SHQ1: variants seen among roughly 807,000 people sequenced by gnomAD.
SHQ1 encodes the protein SHQ1, H/ACA ribonucleoprotein assembly factor.
Under a neutral mutation model 53.8 loss-of-function variants are expected in SHQ1, and 49 were observed. That is an observed-to-expected ratio of 0.91 (90% confidence interval 0.72 to 1.16). The LOEUF (loss-of-function observed/expected upper bound fraction) is 1.16. Among genes scored for constraint, SHQ1 ranks in the 50% most tolerant of loss-of-function variants. The probability of loss-of-function intolerance (pLI) is 0.00; values close to 1 mark genes in which losing one functional copy is unlikely to be tolerated. For synonymous variants in SHQ1, 243 were observed against 251.0 expected (o/e 0.97, Z 0.30); for missense variants, 738 against 683.1 (o/e 1.08, Z -0.90).
Position 72,792,896 on chromosome 3 carries a change from G to A in SHQ1, c.1181+20C>T, listed in dbSNP as rs778144069. 2 of 1,559,658 alleles carry A rather than the reference G, an allele frequency of 1.3e-6. No individual in the cohort carries two copies. Among genetic ancestry groups the A allele is most frequent in the African/African-American group, 2.8e-5 (2 of 72,416 alleles). On this transcript the variant is annotated intron_variant, in intron 10 of 10. Coordinates refer to ENST00000325599, the MANE Select transcript of SHQ1 (RefSeq NM_018130.3). ...AATGTGAACATCTAAAAATTCGTAA[G>A]TAACTCTATGAAAACTTACTTGACT...
intron 10 of SHQ1, among the ~76,000 whole-genome samples, chr3:72,756,489 C>A (rs1045557907): frequency 1.3e-5 from 2 of 152,142 alleles, no homozygotes; most frequent in African/African-American, 4.8e-5. Flanking sequence ...GTTGGCCAGG[C>A]TGGTCTCAAA....
chr3:72,820,499 G>T (rs1707443999), intron 6 of SHQ1, among the ~76,000 whole-genome samples: 1 of 152,146 alleles, frequency 6.6e-6, no homozygotes, highest in African/African-American at 2.4e-5. Flanking sequence ...AATCACTAGA[G>T]AAACCAAAAG....
At chr3:72,748,330 A>C (rs13093925), downstream of SHQ1, among the ~76,000 whole-genome samples, 14 of 44,974 alleles carry the variant, frequency 3.1e-4, no homozygotes, top group Admixed American at 4.1e-4. Context: ...TGAGGCATGC[A>C]AAAAAAAAAA....
chr3:72,778,264 G>C (rs1006197408), intron 10 of SHQ1, among the ~76,000 whole-genome samples: 2 of 151,986 alleles, frequency 1.3e-5, no homozygotes, highest in African/African-American at 2.4e-5. Flanking sequence ...TGTTCAACCA[G>C]CCTGGGGTAA....
chr3:72,763,524 A>C (rs1349812064), intron 10 of SHQ1, among the ~76,000 whole-genome samples: 3 of 152,210 alleles, frequency 2.0e-5, no homozygotes, highest in African/African-American at 7.2e-5. Context: ...TTGATGTCCT[A>C]AGCCCTGGAA....
chr3:72,848,151 C>T lies in SHQ1; in HGVS notation c.143+47G>A, dbSNP rs778041294. The T allele has an allele frequency of 6.2e-6, 10 of 1,610,106 alleles. No homozygotes were observed. In the South Asian group the frequency reaches 9.9e-5, roughly 16 times the overall value. Reference sequence around the variant, plus strand: ...ACCTTGCATTCTCCCTCTAAAGCAGCTATCTAACGAATGCGCCTTTCCTGC... The same window carrying T: ...ACCTTGCATTCTCCCTCTAAAGCAGTTATCTAACGAATGCGCCTTTCCTGC... On this transcript the variant is annotated intron_variant, in intron 1 of 10. Coordinates refer to ENST00000325599, the MANE Select transcript of SHQ1 (RefSeq NM_018130.3).
At chr3:72,818,007 C>T (rs1217558637) in intron 6 of SHQ1, among the ~76,000 whole-genome samples, 1 of 151,742 alleles carries the variant, frequency 6.6e-6, no homozygotes, top group Non-Finnish European at 1.5e-5. Context: ...CACCTTCTCG[C>T]CTCCTGAATA....
At position 72,750,578 on chromosome 3, in the gene SHQ1, G is replaced by C; in HGVS notation, c.1440C>G (p.Leu480=). 6.2e-7 allele frequency: 1 copy of C among 1,614,210 alleles called. No homozygotes were observed. The highest frequency in any genetic ancestry group is 8.5e-7 in the Non-Finnish European group (1 of 1,180,022). Residue 480 remains leucine, a synonymous_variant, in exon 11 of 11, where the codon CTC becomes CTG. Coordinates refer to ENST00000325599, the MANE Select transcript of SHQ1 (RefSeq NM_018130.3). The stretch of plus-strand genomic sequence containing the variant: ...TGACTGTCTCAGATGGACTATCTTT[G>C]AGTTCATCTTGTTCTGAATCTGAGC... ...DSGSDSEQDE[L]KDSPSETVSS... is the part of the protein sequence containing the mutation.
At chr3:72,778,741 C>G (rs921749552) in intron 10 of SHQ1, among the ~76,000 whole-genome samples, 7 of 152,166 alleles carry the variant, frequency 4.6e-5, no homozygotes, top group Non-Finnish European at 8.8e-5. Context: ...ATAAAGAAAA[C>G]TGGCCATTAT....
At chr3:72,843,142 C>A (rs183967832) in intron 2 of SHQ1, among the ~76,000 whole-genome samples, 1 of 151,470 alleles carries the variant, frequency 6.6e-6, no homozygotes, top group African/African-American at 2.4e-5. Flanking sequence ...TACAGTATGA[C>A]CTTTACCTAC....
intron 8 of SHQ1, among the ~76,000 whole-genome samples, chr3:72,814,257 A>T (rs767244444): frequency 2.6e-5 from 4 of 152,248 alleles, no homozygotes; most frequent in Non-Finnish European, 4.4e-5. Context: ...TACTTTCAAC[A>T]TATTAATAAA....
At chr3:72,796,101 CAAAAAAA>C (rs555086403) in intron 9 of SHQ1, among the ~76,000 whole-genome samples, 16 of 40,532 alleles carry the variant, frequency 3.9e-4, no homozygotes, top group Middle Eastern at 0.016. Flanking sequence ...GACTCCATCT[CAAAAAAA>C]AAAAAAAAAA....
the SHQ1 span, among the ~76,000 whole-genome samples, chr3:72,742,619 CTTT>C: frequency 2.3e-5 from 3 of 128,602 alleles, no homozygotes; most frequent in Admixed American, 8.1e-5. Context: ...TTCTTTTTTT[CTTT>C]TTTTTTTTTT....
Position 72,848,261 on chromosome 3 carries a change from G to C in SHQ1, c.80C>G (p.Ser27Cys), listed in dbSNP as rs148030588. The C allele has an allele frequency of 6.2e-7, 1 of 1,614,072 alleles. No homozygotes were observed. Residue 27 changes from serine (S) to cysteine (C), a missense_variant, in exon 1 of 11, where the codon TCC becomes TGC. Transcript: ENST00000325599. ...CCCCTCGAAGTAGACGTCGAACTCG[G>C]AGACCCGGGCGTAGGGCACGCGGAT... ...IAIRVPYARVSEFDVYFEGSD... is the reference protein window; with the variant it reads ...IAIRVPYARVCEFDVYFEGSD...
chr3:72,835,799 T>A (rs1057134258), intron 4 of SHQ1, among the ~76,000 whole-genome samples: 8 of 152,224 alleles, frequency 5.3e-5, no homozygotes, highest in African/African-American at 1.9e-4. Context: ...ACCCTTCTCA[T>A]CATTGAGAAC....
At position 72,817,384 on chromosome 3, in the gene SHQ1, A is replaced by G. The variant is rs750605173; in HGVS notation, c.728T>C (p.Val243Ala). The change falls in exon 7 of 11, where the codon GTG (valine) becomes GCG (alanine). Residue 243 changes from valine (V) to alanine (A), a missense_variant and splice_region_variant. Transcript: ENST00000325599. Reference sequence around the variant, plus strand: ...ATACTTCTCTTCTTCAGAAAAAGACACTAGAAGAAAACGCATTTAAAAACT... The same window carrying G: ...ATACTTCTCTTCTTCAGAAAAAGACGCTAGAAGAAAACGCATTTAAAAACT... ...SQEQENHATL[V>A]SFSEEEKYQL... 1.2e-6 allele frequency: 2 copies of G among 1,603,570 alleles called. No homozygotes were observed. Among genetic ancestry groups the G allele is most frequent in the Non-Finnish European group, 1.7e-6 (2 of 1,174,098 alleles).
chr3:72,772,635 G>A, intron 10 of SHQ1: 1 of 706,268 alleles, frequency 1.4e-6, no homozygotes, highest in East Asian at 2.6e-5. Context: ...TTGTACAAAA[G>A]GAAACAGAAG....
chr3:72,785,129 A>T (rs888274887), intron 10 of SHQ1, among the ~76,000 whole-genome samples: 1 of 152,226 alleles, frequency 6.6e-6, no homozygotes, highest in Non-Finnish European at 1.5e-5. Context: ...GCCATCCTCC[A>T]TGTGCAGTGA....
chr3:72,847,259 A>T (rs1708365686), intron 1 of SHQ1, among the ~76,000 whole-genome samples: 1 of 152,188 alleles, frequency 6.6e-6, no homozygotes, highest in Admixed American at 6.5e-5. Flanking sequence ...ACAGTGAAAA[A>T]ACCACCTTGA....
Sources: allele counts gnomAD v4.1 joint callset (sites outside exome capture counted in the v4.1 genomes callset), GRCh38; gene constraint gnomAD v4.1.1; transcripts MANE v1.5; gene names NCBI Gene and HGNC (gene_info 2026-07-23, HGNC 2026-07-21).